The following PRKRIP1 variants were observed in gnomAD, a reference collection of about 807,000 sequenced individuals.
The protein encoded by PRKRIP1 is PRKR interacting protein 1.
PRKRIP1 carries 29 observed loss-of-function variants against 29.3 expected under a neutral mutation model. The ratio of observed to expected loss-of-function variants is 0.99; its 90% CI spans 0.74 to 1.35. The LOEUF (loss-of-function observed/expected upper bound fraction) is 1.35, where lower values mean the gene tolerates loss of function less well. PRKRIP1 is among the 40% of genes most tolerant of loss of function. The probability of loss-of-function intolerance (pLI) is 0.00; values close to 1 mark genes in which losing one functional copy is unlikely to be tolerated. For missense variants in PRKRIP1, 247 were observed against 236.8 expected (o/e 1.04, Z -0.28); for synonymous variants, 90 against 85.1 (o/e 1.06, Z -0.32).
At chr7:102,403,391 T>C (rs1796124556) in intron 3 of PRKRIP1, among the ~76,000 whole-genome samples, 1 of 152,224 alleles carries the variant, frequency 6.6e-6, no homozygotes, top group Admixed American at 6.5e-5. Context: ...AGGCACCTCT[T>C]CCTCCTTTGC....
chr7:102,397,089 G>T (rs1415690339), intron 1 of PRKRIP1, among the ~76,000 whole-genome samples: 1 of 152,058 alleles, frequency 6.6e-6, no homozygotes, highest in Non-Finnish European at 1.5e-5. Context: ...TTTCAGTTCT[G>T]CTCTGGAAAG....
At chr7:102,403,151 A>G (rs1004684042) in intron 3 of PRKRIP1, among the ~76,000 whole-genome samples, 4 of 152,198 alleles carry the variant, frequency 2.6e-5, no homozygotes, top group African/African-American at 7.2e-5. Flanking sequence ...CTGGGATTAC[A>G]GGAGTGAGCC....
chr7:102,397,324 T>G (rs1185476495), intron 1 of PRKRIP1, among the ~76,000 whole-genome samples: 1 of 151,934 alleles, frequency 6.6e-6, no homozygotes, highest in Non-Finnish European at 1.5e-5. Flanking sequence ...GGGAGGATGG[T>G]CCGAGGCCAG....
At chr7:102,415,518 G>C (rs1344740926) in intron 5 of PRKRIP1, among the ~76,000 whole-genome samples, 1 of 152,240 alleles carries the variant, frequency 6.6e-6, no homozygotes, top group Non-Finnish European at 1.5e-5. Context: ...TTACAGGCGT[G>C]AGCCACCGCA....
intron 3 of PRKRIP1, among the ~76,000 whole-genome samples, chr7:102,402,968 G>A (rs1440173553): frequency 1.3e-5 from 2 of 151,880 alleles, no homozygotes; most frequent in Non-Finnish European, 2.9e-5. Flanking sequence ...TCTGCCTCCT[G>A]GGTTCAAGCA....
intron 3 of PRKRIP1, 99 bp from the exon 4 acceptor site, chr7:102,404,499 A>G: frequency 1.1e-6 from 1 of 891,172 alleles, no homozygotes; most frequent in Non-Finnish European, 1.8e-6. Flanking sequence ...CGTCACCCCC[A>G]GTGGTGTGAC....
At chr7:102,414,094 G>A (rs1554572800) in intron 5 of PRKRIP1, among the ~76,000 whole-genome samples, 2 of 152,152 alleles carry the variant, frequency 1.3e-5, no homozygotes, top group Non-Finnish European at 2.9e-5. Context: ...GGGCATAATA[G>A]CGTGTACCTG....
chr7:102,401,459 C>T (rs1296397113), intron 3 of PRKRIP1, among the ~76,000 whole-genome samples: 8 of 152,142 alleles, frequency 5.3e-5, no homozygotes, highest in African/African-American at 1.9e-4. Flanking sequence ...GGGGGCCAGC[C>T]GTGGTGGCTC....
intron 4 of PRKRIP1, chr7:102,405,673 G>T: frequency 6.3e-6 from 1 of 158,174 alleles, no homozygotes. Context: ...GGGCTCCCTG[G>T]GATTTGCTCT....
chr7:102,417,448 T>G (rs1796584803), intron 5 of PRKRIP1, among the ~76,000 whole-genome samples: 1 of 152,124 alleles, frequency 6.6e-6, no homozygotes, highest in South Asian at 2.1e-4. Context: ...GTATTTATCA[T>G]TATTTAATCA....
Position 102,421,790 on chromosome 7 carries a change from C to T in PRKRIP1, c.458-3224C>T, listed in dbSNP as rs1214598170. 6.7e-5 allele frequency among the ~76,000 whole-genome samples: 10 copies of T among 150,210 alleles called. No individual in the cohort carries two copies. In the East Asian group the frequency reaches 1.2e-3, roughly 18 times the overall value. ...CTAGCCTGGTGACAGTGTGAGACCC[C>T]GTCTCCAAAAAAAAAAAAAAGTGTC... On this transcript the variant is annotated intron_variant, in intron 5 of 5. Transcript: ENST00000397912.
intron 1 of PRKRIP1, among the ~76,000 whole-genome samples, chr7:102,397,381 T>C (rs1554570538): frequency 6.6e-6 from 1 of 151,858 alleles, no homozygotes; most frequent in East Asian, 1.9e-4. Flanking sequence ...TCCCTGTCTT[T>C]ACAAAAATAA....
intron 3 of PRKRIP1, among the ~76,000 whole-genome samples, chr7:102,401,833 A>T (rs1796081334): frequency 1.3e-5 from 2 of 151,680 alleles, no homozygotes; most frequent in South Asian, 4.2e-4. Context: ...AACCTGGGAG[A>T]CGGAAGTTGC....
rs1554572001 is a variant in PRKRIP1 at position 102,407,460 on chromosome 7, T to C, written c.419T>C (p.Leu140Pro). The C allele has an allele frequency of 3.1e-6, 5 of 1,612,636 alleles. No homozygotes were observed. The highest frequency in any genetic ancestry group is 2.5e-6 in the Non-Finnish European group (3 of 1,178,640). ...KRQKLKEKKL[L>P]AKKMKLEQKK... ...CAGAAGTTAAAAGAGAAGAAATTAC[T>C]GGCAAAGAAGATGAAACTTGAACAG... is the stretch of plus-strand genomic sequence containing the variant. The change falls in exon 5 of 6, where the codon CTG (leucine) becomes CCG (proline). Residue 140 changes from leucine to proline, a missense_variant. Transcript: ENST00000397912.
chr7:102,398,328 A>G (rs1586672525), intron 2 of PRKRIP1, among the ~76,000 whole-genome samples: 1 of 152,052 alleles, frequency 6.6e-6, no homozygotes, highest in South Asian at 2.1e-4. Context: ...TCTGTCACCC[A>G]GGCTGTAGTG....
At chr7:102,398,061 A>G (rs1378710869) in intron 2 of PRKRIP1, among the ~76,000 whole-genome samples, 4 of 152,102 alleles carry the variant, frequency 2.6e-5, no homozygotes, top group Non-Finnish European at 5.9e-5. Context: ...AGAAAAAAAA[A>G]AGGTAGCTAT....
At chr7:102,423,799 C>T (rs1312946236) in intron 5 of PRKRIP1, among the ~76,000 whole-genome samples, 1 of 152,092 alleles carries the variant, frequency 6.6e-6, no homozygotes, top group Non-Finnish European at 1.5e-5. Flanking sequence ...GCCTCAGCCT[C>T]ATGAGTAGCG....
chr7:102,407,515 T>A lies in PRKRIP1; in HGVS notation c.457+17T>A. On this transcript the variant is annotated intron_variant, in intron 5 of 5. Coordinates refer to ENST00000397912, the MANE Select transcript of PRKRIP1 (RefSeq NM_024653.4). ...AACAAGAAGGTGAGTGGTGCCCACTTTTCTTGGCTGTAGCTTCTTTCTTCT... is the reference window on the plus strand; with the variant it reads ...AACAAGAAGGTGAGTGGTGCCCACTATTCTTGGCTGTAGCTTCTTTCTTCT... 6.3e-7 allele frequency: 1 copy of A among 1,592,194 alleles called. No homozygotes were observed. Among genetic ancestry groups the A allele is most frequent in the South Asian group, 1.1e-5 (1 of 90,556 alleles).
intron 5 of PRKRIP1, chr7:102,422,889 T>C (rs1021167951): frequency 6.9e-5 from 19 of 273,734 alleles, no homozygotes; most frequent in African/African-American, 3.9e-4. Context: ...GATATCTCAT[T>C]GTGTAGATGC....
Sources: allele counts gnomAD v4.1 joint callset (sites outside exome capture counted in the v4.1 genomes callset), GRCh38; gene constraint gnomAD v4.1.1; transcripts MANE v1.5; gene names NCBI Gene and HGNC (gene_info 2026-07-23, HGNC 2026-07-21).